ZNF407: variants seen among roughly 807,000 people sequenced by gnomAD.
ZNF407 encodes zinc finger protein 407.
ZNF407 carries 17 observed loss-of-function variants against 131.2 expected under a neutral mutation model. That is an observed-to-expected ratio of 0.13 (90% CI 0.09 to 0.19). The LOEUF (loss-of-function observed/expected upper bound fraction) is 0.19. Among genes scored for constraint, ZNF407 ranks in the 10% least tolerant of loss-of-function variants. ZNF407 has a pLI of 1.00. For synonymous variants in ZNF407, 1,156 were observed against 1,062.0 expected (o/e 1.09, Z -1.72); for missense variants, 2,681 against 2,830.6 (o/e 0.95, Z 1.20).
chr18:75,063,730 G>A lies in ZNF407; in HGVS notation c.6009G>A (p.Glu2003=). The change falls in exon 9 of 9, where the codon GAG becomes GAA. Residue 2003 remains glutamate (E), a synonymous_variant. Transcript: ENST00000299687. This position sits in a 1 kb window ranked among gnomAD's most constrained non-coding sequence, Gnocchi z 6.6. The part of the protein sequence containing the change: ...LCAVTELGEV[E]GRAGLEEQGR... ...CGGTCACTGAATTAGGGGAGGTGGAGGGCAGGGCTGGGCTCGAGGAGCAAG... is the reference window on the plus strand; with the variant it reads ...CGGTCACTGAATTAGGGGAGGTGGAAGGCAGGGCTGGGCTCGAGGAGCAAG... The A allele has an allele frequency of 1.2e-6, 2 of 1,612,210 alleles. No individual in the cohort carries two copies. The highest frequency in any genetic ancestry group is 1.7e-6 in the Non-Finnish European group (2 of 1,179,754).
intron 8 of ZNF407, among the ~76,000 whole-genome samples, chr18:74,989,042 T>G (rs944070014): frequency 2.6e-5 from 4 of 152,212 alleles, no homozygotes; most frequent in African/African-American, 9.6e-5. Flanking sequence ...CATGGCAACT[T>G]TGTTCAAGTA....
At chr18:74,803,334 A>T (rs1453956460) in intron 4 of ZNF407, among the ~76,000 whole-genome samples, 2 of 152,184 alleles carry the variant, frequency 1.3e-5, no homozygotes, top group African/African-American at 4.8e-5. Context: ...CCGTTGGTCC[A>T]GCCCTCTGGT....
chr18:74,805,903 C>T (rs1970101905), intron 4 of ZNF407, among the ~76,000 whole-genome samples: 1 of 152,170 alleles, frequency 6.6e-6, no homozygotes, highest in Admixed American at 6.5e-5. Context: ...CTTGACTTCT[C>T]GACTCGTCCT....
Position 74,877,221 on chromosome 18 carries a change from T to C in ZNF407, c.4902T>C (p.Asp1634=). The change falls in exon 5 of 9, where the codon GAT becomes GAC. Residue 1634 remains aspartate (D), a synonymous_variant. Transcript: ENST00000299687. ...KERKFTCHLC[D]RSFTEKWALN... Reference sequence around the variant, plus strand: ...GGAAATTTACATGCCACTTATGTGATAGAAGTTTCACAGAGAAGTGGGCCC... The same window carrying C: ...GGAAATTTACATGCCACTTATGTGACAGAAGTTTCACAGAGAAGTGGGCCC... 6.2e-7 allele frequency: 1 copy of C among 1,613,992 alleles called. No homozygotes were observed. Among genetic ancestry groups the C allele is most frequent in the Non-Finnish European group, 8.5e-7 (1 of 1,179,872 alleles).
intron 6 of ZNF407, among the ~76,000 whole-genome samples, chr18:74,882,857 C>T (rs1468455726): frequency 1.3e-5 from 2 of 152,130 alleles, no homozygotes; most frequent in African/African-American, 4.8e-5. Context: ...CTCATGAGGG[C>T]TTTTTTGTTC....
chr18:74,892,191 T>C (rs1971394630), intron 7 of ZNF407, among the ~76,000 whole-genome samples: 1 of 152,200 alleles, frequency 6.6e-6, no homozygotes, highest in Non-Finnish European at 1.5e-5. Context: ...GAGTTGTTGA[T>C]AACAATTGCC....
At chr18:74,842,711 G>A (rs991826387) in intron 4 of ZNF407, among the ~76,000 whole-genome samples, 5 of 151,574 alleles carry the variant, frequency 3.3e-5, no homozygotes, top group African/African-American at 1.2e-4. Context: ...TTCCCTTTTC[G>A]GCTATGCTAT....
intron 3 of ZNF407, among the ~76,000 whole-genome samples, chr18:74,666,158 G>T (rs528701165): frequency 6.6e-6 from 1 of 152,294 alleles, no homozygotes; most frequent in Admixed American, 6.5e-5. Flanking sequence ...AGGTTGGAGG[G>T]TGAGGGCGCT....
At chr18:75,002,663 G>T (rs984028821) in intron 8 of ZNF407, among the ~76,000 whole-genome samples, 2 of 152,094 alleles carry the variant, frequency 1.3e-5, no homozygotes, top group Admixed American at 6.5e-5. Flanking sequence ...AAATTAACCG[G>T]GCGTGGTGAC....
At chr18:74,740,878 A>G (rs1252275956) in intron 3 of ZNF407, among the ~76,000 whole-genome samples, 1 of 152,116 alleles carries the variant, frequency 6.6e-6, no homozygotes, top group Non-Finnish European at 1.5e-5. Flanking sequence ...TAATCAAATG[A>G]TGTCTCTTTT....
At chr18:74,778,616 C>T (rs549538210) in intron 3 of ZNF407, among the ~76,000 whole-genome samples, 1 of 152,180 alleles carries the variant, frequency 6.6e-6, no homozygotes, top group East Asian at 1.9e-4. Context: ...ATAGTAGATC[C>T]TTAATAAATA....
chr18:74,713,962 A>C (rs1364720198), intron 3 of ZNF407, among the ~76,000 whole-genome samples: 2 of 152,218 alleles, frequency 1.3e-5, no homozygotes, highest in Admixed American at 6.5e-5. Flanking sequence ...GAAGGCTTGA[A>C]ATAATTTGGC....
rs908761194 is a variant in ZNF407, at chr18:74,694,687, C to T, written c.4802+53565C>T. ...GGATACATTCAGGGTTGCCACAGGG[C>T]TCATCTCCCTTGTTTATCTTCTTCT... On this transcript the variant is annotated intron_variant, in intron 3 of 8. Transcript: ENST00000299687. Among the ~76,000 whole-genome samples the T allele has an allele frequency of 9.9e-5, 15 of 152,252 alleles. No individual in the cohort carries two copies. The Middle Eastern group carries it at 0.017, about 173-fold the overall frequency.
intron 8 of ZNF407, among the ~76,000 whole-genome samples, chr18:74,956,934 G>C (rs913492723): frequency 2.0e-5 from 3 of 152,126 alleles, no homozygotes; most frequent in Admixed American, 2.0e-4. Context: ...CCTTTAAATT[G>C]AGAAATATTG....
At chr18:74,937,946 G>C (rs1972056757) in intron 8 of ZNF407, among the ~76,000 whole-genome samples, 1 of 152,128 alleles carries the variant, frequency 6.6e-6, no homozygotes, top group Admixed American at 6.5e-5. Flanking sequence ...ACCTGGAAAT[G>C]CTCTGTCTTC....
At position 74,645,755 on chromosome 18, in the gene ZNF407, A is replaced by G. The variant is rs377134427; in HGVS notation, c.4802+4633A>G. ...TCACTTTCTGACCTTTGCAGCTTGA[A>G]TAATTGTAAATCATTGCTTCATAAC... On this transcript the variant is annotated intron_variant, in intron 3 of 8. Transcript: ENST00000299687. Among the ~76,000 whole-genome samples, 3 of 151,984 alleles carry G rather than the reference A, an allele frequency of 2.0e-5. No homozygotes were observed. The South Asian group carries it at 6.2e-4, about 31-fold the overall frequency.
chr18:74,950,715 G>A lies in ZNF407; in HGVS notation c.5428+30023G>A, dbSNP rs540466370. 1.5e-4 allele frequency among the ~76,000 whole-genome samples: 23 copies of A among 152,300 alleles called. No individual in the cohort carries two copies. In the South Asian group the frequency reaches 2.7e-3, roughly 18 times the overall value. ...TTCCTGCCTGTCTGTTTTGCTGCGCGTTAAGAAGCTTTGGAATTAAGTTCT... is the reference window on the plus strand; with the variant it reads ...TTCCTGCCTGTCTGTTTTGCTGCGCATTAAGAAGCTTTGGAATTAAGTTCT... On this transcript the variant is annotated intron_variant, in intron 8 of 8. Transcript: ENST00000299687.
chr18:74,871,230 C>G (rs1971082871), intron 4 of ZNF407, among the ~76,000 whole-genome samples: 1 of 152,204 alleles, frequency 6.6e-6, no homozygotes, highest in Admixed American at 6.5e-5. Flanking sequence ...GATACAGTTG[C>G]AGCTCTGAAG....
intron 8 of ZNF407, among the ~76,000 whole-genome samples, chr18:74,963,707 TATAAA>T (rs1972376151): frequency 1.3e-5 from 2 of 152,248 alleles, no homozygotes; most frequent in African/African-American, 4.8e-5. Flanking sequence ...ACAACACTAT[TATAAA>T]ACAATATCTA....
Sources: allele counts gnomAD v4.1 joint callset (sites outside exome capture counted in the v4.1 genomes callset), GRCh38; gene constraint gnomAD v4.1.1; non-coding constraint Gnocchi (gnomAD v3.1); transcripts MANE v1.5; gene names NCBI Gene and HGNC (gene_info 2026-07-23, HGNC 2026-07-21).